Variants in STK40 observed in about 807,000 individuals in gnomAD.
STK40 encodes serine/threonine kinase 40, also known as serine/threonine-protein kinase 40.
Under a neutral mutation model 47.9 loss-of-function variants are expected in STK40, and 13 were observed. The ratio of observed to expected loss-of-function variants is 0.27; its 90% CI spans 0.18 to 0.43. The LOEUF is 0.43. Ranked by LOEUF, STK40 falls within the 20% of genes least tolerant of loss-of-function variation. The probability of loss-of-function intolerance (pLI) is 1.00; values close to 1 mark genes in which losing one functional copy is unlikely to be tolerated. For missense variants in STK40, 460 were observed against 595.1 expected, an observed-to-expected ratio of 0.77 and a Z score of 2.36; for synonymous variants, 225 against 243.2, an observed-to-expected ratio of 0.93 and a Z score of 0.69.
At chr1:36,361,761 C>A (rs1455463950) in intron 1 of STK40, among the ~76,000 whole-genome samples, 1 of 152,068 alleles carries the variant, frequency 6.6e-6, no homozygotes, top group Non-Finnish European at 1.5e-5. Flanking sequence ...CAAAGTGAGA[C>A]CTGCCCTCCA....
chr1:36,367,002 T>A (rs74570596), intron 1 of STK40, among the ~76,000 whole-genome samples: 7 of 113,192 alleles, frequency 6.2e-5, no homozygotes, highest in African/African-American at 6.8e-5. Context: ...ACCCAGCTAA[T>A]TTTTTTTTTT....
chr1:36,344,056 C>T (rs1161812071), intron 8 of STK40, 64 bp downstream of exon 8: 7 of 1,588,606 alleles, frequency 4.4e-6, no homozygotes, highest in East Asian at 2.2e-5. Context: ...CTCACTGTGC[C>T]GTTTCCCTGC....
In STK40 at chr1:36,341,718, G is replaced by A. The variant is rs1187154565; in HGVS notation, c.*37C>T. On this transcript the variant is annotated 3_prime_UTR_variant, in exon 11 of 11. Coordinates refer to ENST00000373132, the MANE Select transcript of STK40 (RefSeq NM_001282547.2). ...GCCACGCCTTTGGCTGGGGCTGGAA[G>A]AAGTGGCAGCAGTGCTGGTGGCCCC... 3.1e-6 allele frequency: 5 copies of A among 1,602,998 alleles called. No homozygotes were observed. Among genetic ancestry groups the A allele is most frequent in the Non-Finnish European group, 4.3e-6 (5 of 1,173,580 alleles).
intron 10 of STK40, chr1:36,342,325 G>C (rs1042590445): frequency 3.2e-6 from 1 of 316,894 alleles, no homozygotes; most frequent in Non-Finnish European, 6.1e-6. Flanking sequence ...CACGTCAAGA[G>C]GTACGAGCAA....
intron 5 of STK40, among the ~76,000 whole-genome samples, chr1:36,354,747 C>T (rs1282068501): frequency 2.0e-5 from 3 of 152,090 alleles, no homozygotes; most frequent in Non-Finnish European, 2.9e-5. Flanking sequence ...ATCTGGGGGT[C>T]GGGGAGGAGC....
intron 7 of STK40, among the ~76,000 whole-genome samples, chr1:36,346,723 G>C (rs534653547): frequency 6.6e-6 from 1 of 152,326 alleles, no homozygotes; most frequent in African/African-American, 2.4e-5. Flanking sequence ...CACGAGTCTG[G>C]AAGAACCAGA....
intron 7 of STK40, among the ~76,000 whole-genome samples, chr1:36,344,642 C>T (rs560566169): frequency 6.6e-6 from 1 of 152,350 alleles, no homozygotes; most frequent in South Asian, 2.1e-4. Context: ...ACCGTCCCCA[C>T]ACCCCACCTG....
intron 1 of STK40, among the ~76,000 whole-genome samples, chr1:36,377,608 G>C (rs1289951318): frequency 6.6e-6 from 1 of 151,810 alleles, no homozygotes; most frequent in African/African-American, 2.4e-5. Flanking sequence ...AGACTTGAGA[G>C]AGTATGGCCT....
At chr1:36,346,347 CAG>C (rs1646702595) in intron 7 of STK40, among the ~76,000 whole-genome samples, 1 of 152,124 alleles carries the variant, frequency 6.6e-6, no homozygotes, top group Non-Finnish European at 1.5e-5. Flanking sequence ...CCCTATTTTA[CAG>C]ATGAGAAAAT....
chr1:36,349,420 G>C (rs1232514947), intron 6 of STK40, among the ~76,000 whole-genome samples: 1 of 152,226 alleles, frequency 6.6e-6, no homozygotes. Flanking sequence ...AAGGCACAGG[G>C]AAGTGAAAGG....
intron 1 of STK40, among the ~76,000 whole-genome samples, chr1:36,382,814 T>C (rs1647051634): frequency 6.6e-6 from 1 of 152,214 alleles, no homozygotes; most frequent in African/African-American, 2.4e-5. Context: ...TACTTACTCC[T>C]CACAACTGCC....
At chr1:36,348,619 G>T in intron 7 of STK40, 81 bp downstream of exon 7, 1 of 1,356,794 alleles carries the variant, frequency 7.4e-7, no homozygotes, top group Non-Finnish European at 1.0e-6. Flanking sequence ...CCCAGGGCCT[G>T]CCCACAAATT....
chr1:36,345,992 T>TATATATATATATA (rs1553135170), intron 7 of STK40, among the ~76,000 whole-genome samples: 12 of 19,484 alleles, frequency 6.2e-4, no homozygotes, highest in Non-Finnish European at 9.1e-4. Context: ...TATATATATA[T>TATATATATATATA]TTTTTTTTTT....
At chr1:36,359,872 C>T (rs186234631) in intron 2 of STK40, among the ~76,000 whole-genome samples, 2 of 152,300 alleles carry the variant, frequency 1.3e-5, no homozygotes, top group East Asian at 1.9e-4. Context: ...CATGGTAAGC[C>T]CTTTCCTGCT....
intron 4 of STK40, among the ~76,000 whole-genome samples, chr1:36,356,612 A>T (rs923551151): frequency 1.4e-4 from 22 of 151,982 alleles, no homozygotes; most frequent in Non-Finnish European, 3.1e-4. Flanking sequence ...CTTTTAGTAG[A>T]GATGGGGTTT....
Position 36,343,756 on chromosome 1 carries a change from T to C in STK40, c.1004+104A>G, listed in dbSNP as rs1420329471. ...TGCAGAGAATCTGGAAATCTGACTC[T>C]AACTGGCAGAGAAGCAGGCTGACTA... On this transcript the variant is annotated intron_variant, in intron 9 of 10. Transcript: ENST00000373132. 2.0e-6 allele frequency: 3 copies of C among 1,477,126 alleles called. No homozygotes were observed. In the Admixed American group the frequency reaches 7.6e-5, roughly 37 times the overall value. 91.5% of individuals were successfully genotyped at this position (1,477,126 alleles called of 1,614,324 possible).
At chr1:36,342,028 G>T in intron 10 of STK40, 55 bp from the exon 11 acceptor site, 1 of 1,507,534 alleles carries the variant, frequency 6.6e-7, no homozygotes, top group Non-Finnish European at 9.0e-7. Context: ...TGAAGGCAGC[G>T]CAGCAGACAG....
chr1:36,349,437 C>T (rs1416077207), intron 6 of STK40, among the ~76,000 whole-genome samples: 1 of 152,194 alleles, frequency 6.6e-6, no homozygotes, highest in African/African-American at 2.4e-5. Context: ...AAGGACTTGG[C>T]CAAGGTCATG....
intron 1 of STK40, among the ~76,000 whole-genome samples, chr1:36,373,983 G>A (rs1158302842): frequency 6.6e-6 from 1 of 152,226 alleles, no homozygotes; most frequent in Non-Finnish European, 1.5e-5. Flanking sequence ...TGGGAAGTGG[G>A]AGGGGCGGTC....
Sources: gnomAD v4.1 joint callset for allele counts (sites outside exome capture counted in the v4.1 genomes callset) on GRCh38, gnomAD v4.1.1 for gene constraint, MANE v1.5 for transcripts, NCBI Gene and HGNC (gene_info 2026-07-23, HGNC 2026-07-21) for gene names.